TBCD: variants seen among roughly 807,000 people sequenced by gnomAD.
TBCD encodes tubulin-specific chaperone D.
TBCD carries 105 observed loss-of-function variants against 169.3 expected under a neutral mutation model. The ratio of observed to expected loss-of-function variants is 0.62; its 90% CI spans 0.53 to 0.73. The LOEUF (loss-of-function observed/expected upper bound fraction) is 0.73. Among genes scored for constraint, TBCD ranks in the 30% least tolerant of loss-of-function variants. The pLI is 0.00. For synonymous variants in TBCD, 700 were observed against 643.9 expected, an observed-to-expected ratio of 1.09 and a Z score of -1.32; for missense variants, 1,444 against 1,600.1, an observed-to-expected ratio of 0.90 and a Z score of 1.66.
intron 13 of TBCD, among the ~76,000 whole-genome samples, chr17:82,834,425 C>T (rs978309458): frequency 6.6e-6 from 1 of 152,086 alleles, no homozygotes; most frequent in African/African-American, 2.4e-5. Flanking sequence ...TCTTTAGGGT[C>T]TAAATATTTT....
rs755442581 is a variant in TBCD at position 82,831,890 on chromosome 17, C to T, written c.1318+16956C>T. 20 of 1,614,014 alleles carry T rather than the reference C, an allele frequency of 1.2e-5. No homozygotes were observed. Among genetic ancestry groups the T allele is most frequent in the Middle Eastern group, 1.6e-4 (1 of 6,084 alleles). On this transcript the variant is annotated intron_variant, in intron 13 of 38. Transcript: ENST00000355528. This position sits in a 1 kb window ranked among gnomAD's most constrained non-coding sequence, Gnocchi z 4.6. Reference sequence around the variant, plus strand: ...TTGGTGTGGAAAGACACGGCCTTGGCAGTGGGGTTGTGTAAAGCCAGTGTC... The same window carrying T: ...TTGGTGTGGAAAGACACGGCCTTGGTAGTGGGGTTGTGTAAAGCCAGTGTC...
intron 13 of TBCD, chr17:82,838,889 C>G (rs2054216146): frequency 1.0e-6 from 1 of 985,314 alleles, no homozygotes; most frequent in Non-Finnish European, 1.2e-6. Context: ...AAACTCCGGT[C>G]AGAAATGCTG....
Position 82,930,432 on chromosome 17 carries a change from C to G in TBCD, c.2992-90C>G. On this transcript the variant is annotated intron_variant, in intron 32 of 38. Transcript: ENST00000355528. The surrounding 1 kb of genome is among the most constrained non-coding windows in gnomAD (Gnocchi z 5.2). The stretch of plus-strand genomic sequence containing the variant: ...CTCTGCAGCTCGGAGCAGTTCTGCT[C>G]TTCAGCAGATGCTTGACCGGCTGTA... 14 of 1,524,142 alleles carry G rather than the reference C, an allele frequency of 9.2e-6. No homozygotes were observed. Among genetic ancestry groups the G allele is most frequent in the Non-Finnish European group, 1.1e-5 (13 of 1,135,952 alleles). The allele number at this position is 1,524,142 out of a possible 1,614,324, so 94.4% of individuals were successfully genotyped here.
At chr17:82,793,979 C>A (rs759728144) in intron 7 of TBCD, among the ~76,000 whole-genome samples, 1 of 152,198 alleles carries the variant, frequency 6.6e-6, no homozygotes, top group Non-Finnish European at 1.5e-5. Context: ...CAGGGTGACC[C>A]GCTGGCCTGG....
intron 6 of TBCD, among the ~76,000 whole-genome samples, chr17:82,780,517 C>G (rs988915918): frequency 2.4e-4 from 37 of 151,626 alleles, no homozygotes; most frequent in African/African-American, 8.5e-4. Flanking sequence ...CCCAGCTACT[C>G]GAGAGGCTGA....
intron 15 of TBCD, among the ~76,000 whole-genome samples, chr17:82,887,168 T>TGTGTGTGTGTGTGTGCGTGCGCGC: frequency 7.9e-6 from 1 of 126,102 alleles, no homozygotes; most frequent in Admixed American, 7.5e-5. Context: ...TGTGTGTGTG[T>TGTGTGTGTGTGTGTGCGTGCGCGC]GCGCGCGCGC....
chr17:82,847,027 C>CA (rs1215780904), intron 13 of TBCD, among the ~76,000 whole-genome samples: 1 of 152,204 alleles, frequency 6.6e-6, no homozygotes, highest in Non-Finnish European at 1.5e-5. Context: ...CCATTTTCTA[C>CA]AGGTGGCCGA....
chr17:82,899,773 A>G (rs781238505), intron 17 of TBCD, among the ~76,000 whole-genome samples: 3 of 152,338 alleles, frequency 2.0e-5, no homozygotes, highest in Non-Finnish European at 2.9e-5. Context: ...GTTTTCCCAC[A>G]TCTGTGCCAA....
chr17:82,772,942 CAG>C (rs750844584), intron 6 of TBCD, among the ~76,000 whole-genome samples: 2 of 152,136 alleles, frequency 1.3e-5, no homozygotes, highest in Non-Finnish European at 2.9e-5. Flanking sequence ...GTGCCCCAGA[CAG>C]GGGAAGGTGG....
rs924342151 is a variant in TBCD, at chr17:82,889,901, C to T, written c.1563+204C>T. On this transcript the variant is annotated intron_variant, in intron 16 of 38. Coordinates refer to ENST00000355528, the MANE Select transcript of TBCD (RefSeq NM_005993.5). This position sits in a 1 kb window ranked among gnomAD's most constrained non-coding sequence, Gnocchi z 5.3. Reference sequence around the variant, plus strand: ...GGGAACCTGCATGTACAGTAATTTACACACACAGGCCGGAAAGCTGTGCTT... The same window carrying T: ...GGGAACCTGCATGTACAGTAATTTATACACACAGGCCGGAAAGCTGTGCTT... Among the ~76,000 whole-genome samples the T allele has an allele frequency of 1.3e-5, 2 of 152,236 alleles. No homozygotes were observed. Among genetic ancestry groups the T allele is most frequent in the Non-Finnish European group, 2.9e-5 (2 of 68,038 alleles).
chr17:82,818,356 T>C (rs1390094743), intron 13 of TBCD, among the ~76,000 whole-genome samples: 1 of 152,228 alleles, frequency 6.6e-6, no homozygotes, highest in Non-Finnish European at 1.5e-5. Context: ...AGATCCCATC[T>C]TGGGGCTGAC....
intron 7 of TBCD, among the ~76,000 whole-genome samples, chr17:82,784,735 A>AC (rs2049180920): frequency 6.6e-6 from 1 of 152,126 alleles, no homozygotes; most frequent in South Asian, 2.1e-4. Context: ...CTCCCACATG[A>AC]CCAAGGACAC....
At chr17:82,818,026 G>T (rs114946163) in intron 13 of TBCD, among the ~76,000 whole-genome samples, 1 of 152,208 alleles carries the variant, frequency 6.6e-6, no homozygotes, top group Non-Finnish European at 1.5e-5. Flanking sequence ...TTCACTCAAA[G>T]GAGACAAGAG....
At chr17:82,933,271 G>GTTTT (rs1555667438) in intron 34 of TBCD, among the ~76,000 whole-genome samples, 2 of 81,598 alleles carry the variant, frequency 2.5e-5, no homozygotes, top group Non-Finnish European at 5.2e-5. Flanking sequence ...TGTTGGGCCA[G>GTTTT]TCTTTTTTTT....
At chr17:82,793,144 A>AT (rs1016746393) in intron 7 of TBCD, among the ~76,000 whole-genome samples, 2 of 152,214 alleles carry the variant, frequency 1.3e-5, no homozygotes, top group East Asian at 1.9e-4. Context: ...GAAACAGTAT[A>AT]TTTTTTCACT....
Position 82,938,259 on chromosome 17 carries a change from G to A in TBCD, c.3369+123G>A, listed in dbSNP as rs374021998. 5.6e-5 allele frequency: 64 copies of A among 1,142,626 alleles called. No individual in the cohort carries two copies. In the East Asian group the frequency reaches 6.8e-4, roughly 12 times the overall value. 70.8% of individuals were successfully genotyped at this position (1,142,626 alleles called of 1,614,324 possible). ...CCAGCCGAGCCCCTCTCGTTAACGC[G>A]CCTGGGTGACGACGCGTCACAGGCA... On this transcript the variant is annotated intron_variant, in intron 36 of 38. Transcript: ENST00000355528.
At chr17:82,827,259 C>T (rs1266253544) in intron 13 of TBCD, among the ~76,000 whole-genome samples, 1 of 152,214 alleles carries the variant, frequency 6.6e-6, no homozygotes, top group African/African-American at 2.4e-5. Context: ...TGAAGTGATG[C>T]GTTGACAGCC....
intron 7 of TBCD, among the ~76,000 whole-genome samples, chr17:82,787,031 A>C (rs2049368526): frequency 6.6e-6 from 1 of 151,948 alleles, no homozygotes; most frequent in African/African-American, 2.4e-5. Flanking sequence ...ACCAGCCAGG[A>C]GTGGGGAAGT....
intron 13 of TBCD, among the ~76,000 whole-genome samples, chr17:82,869,184 T>C (rs1043570968): frequency 2.0e-5 from 3 of 152,218 alleles, no homozygotes; most frequent in Non-Finnish European, 2.9e-5. Context: ...CAGCAGTTGA[T>C]CTCAAGTATT....
Sources: gnomAD v4.1 joint callset for allele counts (sites outside exome capture counted in the v4.1 genomes callset) on GRCh38, gnomAD v4.1.1 for gene constraint, Gnocchi (gnomAD v3.1) non-coding constraint, MANE v1.5 for transcripts, NCBI Gene and HGNC (gene_info 2026-07-23, HGNC 2026-07-21) for gene names.